Variants in PSAT1 observed in about 807,000 individuals in gnomAD.
PSAT1 encodes phosphoserine aminotransferase.
A neutral mutation model predicts 40.3 loss-of-function variants in PSAT1; 41 were observed. The observed-to-expected ratio is 1.02, with a 90% CI of 0.79 to 1.32. The LOEUF is 1.32. Ranked by LOEUF, PSAT1 falls within the 40% of genes most tolerant of loss-of-function variation. The pLI, the probability that PSAT1 is intolerant of heterozygous loss-of-function variation, is 0.00. For missense variants in PSAT1, 406 were observed against 455.8 expected, an observed-to-expected ratio of 0.89 and a Z score of 0.99; for synonymous variants, 147 against 170.5, an observed-to-expected ratio of 0.86 and a Z score of 1.07.
intron 7 of PSAT1, among the ~76,000 whole-genome samples, chr9:78,325,573 C>G (rs1263461243): frequency 6.6e-6 from 1 of 152,258 alleles, no homozygotes; most frequent in Non-Finnish European, 1.5e-5. Context: ...TTGTCCCCTC[C>G]CCTGAAACCT....
chr9:78,302,546 G>A (rs753269904), intron 3 of PSAT1, among the ~76,000 whole-genome samples: 8 of 151,980 alleles, frequency 5.3e-5, no homozygotes, highest in Non-Finnish European at 8.8e-5. Flanking sequence ...GGCTACCACG[G>A]TGAAACCCCA....
At chr9:78,302,627 G>A (rs1027368030) in intron 3 of PSAT1, among the ~76,000 whole-genome samples, 9 of 151,748 alleles carry the variant, frequency 5.9e-5, no homozygotes, top group East Asian at 3.9e-4. Flanking sequence ...CCAGCTATTC[G>A]GGAGGCTGAG....
Position 78,329,036 on chromosome 9 carries a change from C to T in PSAT1, c.1063C>T (p.Gln355Ter). ...LYNAVTIEDVQKLAAFMKKFL... is the reference protein window; with the variant it reads ...LYNAVTIEDV ...TAATGCTGTCACAATTGAAGACGTT[C>T]AGAAGCTGGCCGCCTTCATGAAAAA... The change falls in exon 9 of 9, where the codon CAG becomes TAG. Residue 355 changes from glutamine to a stop codon, truncating the protein, a stop_gained. Coordinates refer to ENST00000376588, the MANE Select transcript of PSAT1 (RefSeq NM_058179.4). LOFTEE classifies it high-confidence loss of function. 1 of 1,613,248 alleles carries T rather than the reference C, an allele frequency of 6.2e-7. No homozygotes were observed. Among genetic ancestry groups the T allele is most frequent in the Non-Finnish European group, 8.5e-7 (1 of 1,179,860 alleles).
chr9:78,297,659 C>G (rs926790032), intron 1 of PSAT1, among the ~76,000 whole-genome samples: 1 of 152,208 alleles, frequency 6.6e-6, no homozygotes, highest in Non-Finnish European at 1.5e-5. Flanking sequence ...GCCTTCGCCT[C>G]GCGCAGCTGT....
At chr9:78,299,043 G>A (rs1355139589) in intron 1 of PSAT1, among the ~76,000 whole-genome samples, 1 of 150,104 alleles carries the variant, frequency 6.7e-6, no homozygotes, top group Non-Finnish European at 1.5e-5. Context: ...AGGAGGCTAA[G>A]GTGGGAGGAT....
intron 5 of PSAT1, 133 bp from the exon 6 acceptor site, chr9:78,308,281 C>T (rs1179817458): frequency 9.8e-7 from 1 of 1,023,352 alleles, no homozygotes; most frequent in Non-Finnish European, 1.5e-6. Context: ...TGCTTTAGAG[C>T]ATGAACTGCT....
chr9:78,320,326 A>ATCCC (rs1828409641), intron 7 of PSAT1, among the ~76,000 whole-genome samples: 1 of 140,896 alleles, frequency 7.1e-6, no homozygotes, highest in African/African-American at 2.7e-5. Flanking sequence ...TCAATCTTCC[A>ATCCC]TCCATCCATC....
intron 1 of PSAT1, chr9:78,298,341 T>G (rs1387379967): frequency 2.0e-6 from 2 of 985,116 alleles, no homozygotes; most frequent in African/African-American, 3.5e-5. Context: ...ATTTTACAAT[T>G]ATCAATTGTT....
intron 1 of PSAT1, 112 bp downstream of exon 1, chr9:78,297,382 C>T: frequency 3.2e-6 from 4 of 1,264,278 alleles, no homozygotes; most frequent in Non-Finnish European, 3.3e-6. Context: ...CCTTGAGTCC[C>T]CTAGGCGCTT....
At chr9:78,324,337 C>T (rs1240221344) in intron 7 of PSAT1, among the ~76,000 whole-genome samples, 3 of 152,174 alleles carry the variant, frequency 2.0e-5, no homozygotes, top group Non-Finnish European at 4.4e-5. Flanking sequence ...TTGACATCTT[C>T]GTGCTCCACC....
intron 6 of PSAT1, 96 bp downstream of exon 6, chr9:78,308,679 G>T: frequency 6.9e-7 from 1 of 1,441,130 alleles, no homozygotes; most frequent in Non-Finnish European, 9.5e-7. Flanking sequence ...TGTAAGCCTG[G>T]GCGCGGTGGC....
chr9:78,326,955 A>ATATATATTTTTTTTTTTTTT, intron 7 of PSAT1, among the ~76,000 whole-genome samples: 3 of 75,932 alleles, frequency 4.0e-5, no homozygotes, highest in East Asian at 4.2e-4. Context: ...ATATATATAT[A>ATATATATTTTTTTTTTTTTT]TTTTTTTTTT....
At position 78,306,298 on chromosome 9, in the gene PSAT1, T is replaced by C; in HGVS notation, c.398-16T>C. ...GAGTGAAAAGTGCAAAGTCTCAAAC[T>C]TGTCTTCTGTGATAGAAATTCCAGA... On this transcript the variant is annotated splice_polypyrimidine_tract_variant and intron_variant, in intron 4 of 8. Coordinates refer to ENST00000376588, the MANE Select transcript of PSAT1 (RefSeq NM_058179.4). 6.2e-7 allele frequency: 1 copy of C among 1,612,052 alleles called. No individual in the cohort carries two copies. Among genetic ancestry groups the C allele is most frequent in the East Asian group, 2.2e-5 (1 of 44,886 alleles).
intron 7 of PSAT1, among the ~76,000 whole-genome samples, chr9:78,325,992 C>G (rs12343612): frequency 0.19 from 28,645 of 152,074 alleles, 2,767 homozygotes; most frequent in East Asian, 0.27. Context: ...ACATTGGGAG[C>G]CTGAGGCAGT....
chr9:78,303,307 C>T (rs1371124764), intron 3 of PSAT1, among the ~76,000 whole-genome samples: 1 of 152,126 alleles, frequency 6.6e-6, no homozygotes, highest in Non-Finnish European at 1.5e-5. Context: ...AGCTGGTAGC[C>T]ATCTGCTTGG....
intron 7 of PSAT1, among the ~76,000 whole-genome samples, chr9:78,325,332 A>G (rs1436605135): frequency 6.6e-6 from 1 of 152,054 alleles, no homozygotes; most frequent in Non-Finnish European, 1.5e-5. Flanking sequence ...TGCTGTAATT[A>G]TTTTTCTAAA....
At chr9:78,320,593 A>C in intron 7 of PSAT1, among the ~76,000 whole-genome samples, 1 of 140,886 alleles carries the variant, frequency 7.1e-6, no homozygotes, top group Admixed American at 7.1e-5. Flanking sequence ...CTATCTACCC[A>C]CTTGTCCATC....
At chr9:78,310,886 G>A (rs1161431792) in intron 6 of PSAT1, among the ~76,000 whole-genome samples, 1 of 152,138 alleles carries the variant, frequency 6.6e-6, no homozygotes, top group Non-Finnish European at 1.5e-5. Context: ...GGGATTACAG[G>A]CGTGAGCCAC....
intron 7 of PSAT1, among the ~76,000 whole-genome samples, chr9:78,324,101 G>A (rs867378): frequency 0.079 from 11,958 of 152,144 alleles, 526 homozygotes; most frequent in Middle Eastern, 0.12. Context: ...CCTGAGCAGC[G>A]TGTCTCCGAG....
Sources: allele counts gnomAD v4.1 joint callset (sites outside exome capture counted in the v4.1 genomes callset), GRCh38; gene constraint gnomAD v4.1.1; transcripts MANE v1.5; gene names NCBI Gene and HGNC (gene_info 2026-07-23, HGNC 2026-07-21).